PIEZO2: variants seen among roughly 807,000 people sequenced by gnomAD.
PIEZO2 encodes piezo-type mechanosensitive ion channel component 2.
Under a neutral mutation model 337.3 loss-of-function variants are expected in PIEZO2, and 172 were observed. That is an observed-to-expected ratio of 0.51 (90% CI 0.45 to 0.58). The LOEUF is 0.58. Ranked by LOEUF, PIEZO2 falls within the 20% of genes least tolerant of loss-of-function variation. The probability of loss-of-function intolerance (pLI) is 0.00; values close to 1 mark genes in which losing one functional copy is unlikely to be tolerated. For missense variants in PIEZO2, 3,028 were observed against 3,391.3 expected (o/e 0.89, Z 2.66); for synonymous variants, 1,251 against 1,228.5 (o/e 1.02, Z -0.38).
In PIEZO2 at chr18:11,003,965, C is replaced by T. The variant is rs2035633691; in HGVS notation, c.161-24305G>A. On this transcript the variant is annotated intron_variant, in intron 2 of 55. Coordinates refer to ENST00000674853, the MANE Select transcript of PIEZO2 (RefSeq NM_001378183.1). The surrounding 1 kb of genome is among the most constrained non-coding windows in gnomAD (Gnocchi z 4.6). Reference sequence around the variant, plus strand: ...GTTGCTTTTACTTTGTTTTCTAACCCATGTTATGCCTTCCACAACTCTGAC... The same window carrying T: ...GTTGCTTTTACTTTGTTTTCTAACCTATGTTATGCCTTCCACAACTCTGAC... Among the ~76,000 whole-genome samples the T allele has an allele frequency of 6.6e-6, 1 of 152,144 alleles. No homozygotes were observed. Among genetic ancestry groups the T allele is most frequent in the African/African-American group, 2.4e-5 (1 of 41,410 alleles).
intron 48 of PIEZO2, among the ~76,000 whole-genome samples, chr18:10,690,832 T>G (rs2034785632): frequency 6.6e-6 from 1 of 152,212 alleles, no homozygotes; most frequent in African/African-American, 2.4e-5. Context: ...AGGAACTTAC[T>G]GTATACAAAA....
chr18:10,779,664 T>A (rs2038910179), intron 18 of PIEZO2, among the ~76,000 whole-genome samples: 1 of 152,194 alleles, frequency 6.6e-6, no homozygotes, highest in Non-Finnish European at 1.5e-5. Flanking sequence ...TTGAAGAAAG[T>A]GATGTTTTTA....
At chr18:10,934,636 C>CGTGTGTGT (rs59190236) in intron 3 of PIEZO2, among the ~76,000 whole-genome samples, 3,604 of 130,768 alleles carry the variant, frequency 0.028, 106 homozygotes, top group East Asian at 0.04. Context: ...ATTGTGTGTA[C>CGTGTGTGT]GTGTGTGTGT....
At chr18:10,757,885 G>A (rs2037949144) in intron 27 of PIEZO2, 84 bp downstream of exon 27, 1 of 1,324,406 alleles carries the variant, frequency 7.6e-7, no homozygotes. Context: ...TGTTTCCCAA[G>A]TATAGCAGAG....
intron 4 of PIEZO2, among the ~76,000 whole-genome samples, chr18:10,909,056 G>A (rs568654846): frequency 1.3e-5 from 2 of 152,316 alleles, no homozygotes; most frequent in East Asian, 1.9e-4. Flanking sequence ...CTGCTGGGAG[G>A]AAAGGCTGAG....
Position 10,798,679 on chromosome 18 carries a change from C to T in PIEZO2, c.1379-1157G>A, listed in dbSNP as rs191419563. ...TATGTCTGGGTTGTCCGTGTCAGCACGCAAAATTCAATTTACTTGTCCACA... is the reference window on the plus strand; with the variant it reads ...TATGTCTGGGTTGTCCGTGTCAGCATGCAAAATTCAATTTACTTGTCCACA... On this transcript the variant is annotated intron_variant, in intron 11 of 55. Coordinates refer to ENST00000674853, the MANE Select transcript of PIEZO2 (RefSeq NM_001378183.1). 2.0e-4 allele frequency among the ~76,000 whole-genome samples: 30 copies of T among 152,298 alleles called. 1 individual carries two copies. In the East Asian group the frequency reaches 4.2e-3, roughly 22 times the overall value.
At chr18:10,711,203 C>T (rs1257154733) in intron 39 of PIEZO2, among the ~76,000 whole-genome samples, 1 of 152,132 alleles carries the variant, frequency 6.6e-6, no homozygotes, top group African/African-American at 2.4e-5. Flanking sequence ...GTTTTTCCTC[C>T]TTAATTGTGA....
At chr18:10,694,806 G>A (rs1187761365) in intron 47 of PIEZO2, among the ~76,000 whole-genome samples, 7 of 152,074 alleles carry the variant, frequency 4.6e-5, no homozygotes, top group Non-Finnish European at 1.0e-4. Context: ...CTGCACTCTA[G>A]CCTGGGTGAT....
At chr18:10,987,942 C>T (rs953919787) in intron 2 of PIEZO2, among the ~76,000 whole-genome samples, 9 of 151,988 alleles carry the variant, frequency 5.9e-5, no homozygotes, top group African/African-American at 1.9e-4. Context: ...AAGAACTGGT[C>T]GACATCACTA....
intron 52 of PIEZO2, among the ~76,000 whole-genome samples, chr18:10,679,061 T>C (rs1361649886): frequency 6.6e-6 from 1 of 151,948 alleles, no homozygotes; most frequent in Non-Finnish European, 1.5e-5. Flanking sequence ...GCCTCCTGAG[T>C]AGCTGGGATT....
At position 11,070,212 on chromosome 18, in the gene PIEZO2, A is replaced by G. The variant is rs1238942836; in HGVS notation, c.65-3990T>C. 6.6e-6 allele frequency among the ~76,000 whole-genome samples: 1 copy of G among 152,206 alleles called. No homozygotes were observed. Among genetic ancestry groups the G allele is most frequent in the Admixed American group, 6.5e-5 (1 of 15,282 alleles). On this transcript the variant is annotated intron_variant, in intron 1 of 55. Coordinates refer to ENST00000674853, the MANE Select transcript of PIEZO2 (RefSeq NM_001378183.1). This position sits in a 1 kb window ranked among gnomAD's most constrained non-coding sequence, Gnocchi z 4.3. ...AGCATATGTTACTGTGCTGAATACT[A>G]TAGACAACTGTAATACAATGGTAAG...
Position 10,861,845 on chromosome 18 carries a change from T to C in PIEZO2, c.493-4634A>G, listed in dbSNP as rs924126503. On this transcript the variant is annotated intron_variant, in intron 5 of 55. Coordinates refer to ENST00000674853, the MANE Select transcript of PIEZO2 (RefSeq NM_001378183.1). This position sits in a 1 kb window ranked among gnomAD's most constrained non-coding sequence, Gnocchi z 4.3. ...CCTGCCTGGACAACATGGTGAAACC[T>C]TGTCTGTACTAAAACTACAAAAATT... is the stretch of plus-strand genomic sequence containing the variant. 1.3e-5 allele frequency among the ~76,000 whole-genome samples: 2 copies of C among 152,022 alleles called. No homozygotes were observed. The highest frequency in any genetic ancestry group is 2.9e-5 in the Non-Finnish European group (2 of 67,974).
Position 10,773,686 on chromosome 18 carries a change from T to C in PIEZO2, c.2568-57A>G. ...GAAAGGGTGTTGGGAGAGATTTGAC[T>C]GAGGGGCAAGTAAAAGGAGGATAAA... On this transcript the variant is annotated intron_variant, in intron 19 of 55. Coordinates refer to ENST00000674853, the MANE Select transcript of PIEZO2 (RefSeq NM_001378183.1). This position sits in a 1 kb window ranked among gnomAD's most constrained non-coding sequence, Gnocchi z 5.3. The C allele has an allele frequency of 2.0e-6, 3 of 1,469,786 alleles. No individual in the cohort carries two copies. Among genetic ancestry groups the C allele is most frequent in the Middle Eastern group, 2.0e-4 (1 of 5,096 alleles). 91.0% of individuals were successfully genotyped at this position (1,469,786 alleles called of 1,614,324 possible).
chr18:10,819,155 A>C lies in PIEZO2; in HGVS notation c.918-11881T>G, dbSNP rs2040449370. Among the ~76,000 whole-genome samples the C allele has an allele frequency of 6.6e-6, 1 of 152,214 alleles. No individual in the cohort carries two copies. The highest frequency in any genetic ancestry group is 6.5e-5 in the Admixed American group (1 of 15,282). ...ACTCTTTACAGTAAAGCATTGATGA[A>C]ATTAACAATAAAAAGGTATAATGAT... On this transcript the variant is annotated intron_variant, in intron 7 of 55. Transcript: ENST00000674853. The surrounding 1 kb of genome is among the most constrained non-coding windows in gnomAD (Gnocchi z 4.3).
chr18:10,687,166 G>A (rs1212418570), intron 49 of PIEZO2, among the ~76,000 whole-genome samples: 1 of 152,146 alleles, frequency 6.6e-6, no homozygotes, highest in African/African-American at 2.4e-5. Context: ...TGTGCAGGAT[G>A]TGCAGGTTTG....
At position 11,132,481 on chromosome 18, in the gene PIEZO2, T is replaced by G. The variant is rs1174159404; in HGVS notation, c.64+16044A>C. Reference sequence around the variant, plus strand: ...AAGTTCTCCAGAAGGCCGTGTATGCTCTGAATCAACATCCAATATATGGTA... The same window carrying G: ...AAGTTCTCCAGAAGGCCGTGTATGCGCTGAATCAACATCCAATATATGGTA... On this transcript the variant is annotated intron_variant, in intron 1 of 55. Coordinates refer to ENST00000674853, the MANE Select transcript of PIEZO2 (RefSeq NM_001378183.1). The surrounding 1 kb of genome is among the most constrained non-coding windows in gnomAD (Gnocchi z 4.7). Among the ~76,000 whole-genome samples the G allele has an allele frequency of 2.6e-5, 4 of 152,172 alleles. No individual in the cohort carries two copies. The highest frequency in any genetic ancestry group is 6.5e-5 in the Admixed American group (1 of 15,272).
rs569343097 is a variant in PIEZO2 at position 10,705,439 on chromosome 18, G to T, written c.5896C>A (p.Arg1966Ser). The T allele has an allele frequency of 1.3e-6, 2 of 1,537,232 alleles. No individual in the cohort carries two copies. The highest frequency in any genetic ancestry group is 1.7e-6 in the Non-Finnish European group (2 of 1,146,908). ...GSQDDSAGKN[R>S]MAVSPDDSRT... ...CTGTCGTCCGGGCTGACTGCCATAC[G>T]GTTCTTGCCTGCAGAGTCGTCCTGC... The change falls in exon 41 of 56, where the codon CGT becomes AGT. Residue 1966 changes from arginine (R) to serine (S), a missense_variant. By Grantham distance (110) the Arg-to-Ser change is moderately radical. This residue lies in a region of PIEZO2 where 1,925 missense variants were observed against 2,051.9 expected (regional missense o/e 0.94). Transcript: ENST00000674853.
chr18:10,822,741 G>A (rs78143319), intron 7 of PIEZO2, among the ~76,000 whole-genome samples: 1,548 of 152,254 alleles, frequency 0.01, 28 homozygotes, highest in African/African-American at 0.035. Flanking sequence ...TTTTGTGAAC[G>A]CGTTGGGGTG....
intron 15 of PIEZO2, 40 bp downstream of exon 15, chr18:10,789,039 G>C (rs1244110014): frequency 9.3e-6 from 14 of 1,508,250 alleles, no homozygotes; most frequent in Non-Finnish European, 1.1e-5. Flanking sequence ...TATACTCCTG[G>C]GAGAGATGTG....
Sources: allele counts gnomAD v4.1 joint callset (sites outside exome capture counted in the v4.1 genomes callset), GRCh38; gene constraint gnomAD v4.1.1; regional missense constraint gnomAD v4.1.1; non-coding constraint Gnocchi (gnomAD v3.1); transcripts MANE v1.5; gene names NCBI Gene and HGNC (gene_info 2026-07-23, HGNC 2026-07-21).